Variants in ADAMTSL3 observed in about 807,000 individuals in gnomAD.
ADAMTSL3 encodes the protein ADAMTS-like protein 3.
ADAMTSL3 carries 128 observed loss-of-function variants against 201.7 expected under a neutral mutation model. The ratio of observed to expected loss-of-function variants is 0.63; its 90% confidence interval spans 0.55 to 0.73. The LOEUF (loss-of-function observed/expected upper bound fraction) is 0.73, where lower values mean the gene tolerates loss of function less well. Ranked by LOEUF, ADAMTSL3 falls within the 30% of genes least tolerant of loss-of-function variation. The pLI is 0.00. For missense variants in ADAMTSL3, 1,990 were observed against 2,119.6 expected (o/e 0.94, Z 1.20); for synonymous variants, 738 against 748.4 (o/e 0.99, Z 0.23).
intron 5 of ADAMTSL3, among the ~76,000 whole-genome samples, chr15:83,811,365 T>G (rs1305869726): frequency 1.3e-5 from 2 of 152,206 alleles, no homozygotes; most frequent in Non-Finnish European, 2.9e-5. Context: ...TTAAAACAAT[T>G]CATTTTAAAC....
At chr15:83,913,858 A>G (rs2065980644) in intron 16 of ADAMTSL3, among the ~76,000 whole-genome samples, 2 of 152,304 alleles carry the variant, frequency 1.3e-5, no homozygotes, top group Non-Finnish European at 2.9e-5. Context: ...AGAGGGTGAC[A>G]TACACAGCCA....
chr15:83,853,195 A>G (rs1285090655), intron 7 of ADAMTSL3, among the ~76,000 whole-genome samples: 4 of 152,024 alleles, frequency 2.6e-5, no homozygotes, highest in African/African-American at 4.8e-5. Flanking sequence ...AACATATTCT[A>G]TCTTTTCTCT....
chr15:83,675,165 T>C (rs549922119), intron 2 of ADAMTSL3, among the ~76,000 whole-genome samples: 2 of 152,150 alleles, frequency 1.3e-5, no homozygotes, highest in South Asian at 4.2e-4. Context: ...TGGGATTCTC[T>C]ACATAGACAA....
chr15:83,782,062 A>C (rs963401920), intron 4 of ADAMTSL3, among the ~76,000 whole-genome samples: 29 of 152,316 alleles, frequency 1.9e-4, no homozygotes, highest in African/African-American at 6.7e-4. Context: ...CAAAAATCCC[A>C]TTACTGGGTA....
intron 20 of ADAMTSL3, among the ~76,000 whole-genome samples, chr15:83,981,101 A>G (rs1271418309): frequency 6.6e-6 from 1 of 152,144 alleles, no homozygotes; most frequent in Admixed American, 6.5e-5. Flanking sequence ...CAAGCCATCC[A>G]TCCTACACTC....
At chr15:83,803,105 A>G (rs559601911) in intron 4 of ADAMTSL3, among the ~76,000 whole-genome samples, 127 of 152,340 alleles carry the variant, frequency 8.3e-4, no homozygotes, top group African/African-American at 2.9e-3. Context: ...TGCTTATCAT[A>G]TTAGATTAGG....
intron 23 of ADAMTSL3, 47 bp from the exon 24 acceptor site, chr15:84,014,495 C>T: frequency 6.4e-6 from 10 of 1,557,520 alleles, no homozygotes; most frequent in Non-Finnish European, 8.8e-6. Context: ...TTCTGTGGCC[C>T]TGTTCTTAAA....
chr15:83,917,632 A>T, intron 16 of ADAMTSL3, among the ~76,000 whole-genome samples: 1 of 151,884 alleles, frequency 6.6e-6, no homozygotes, highest in Non-Finnish European at 1.5e-5. Flanking sequence ...CTTCTTTTAT[A>T]TTTTATATTG....
intron 3 of ADAMTSL3, among the ~76,000 whole-genome samples, chr15:83,737,921 A>G (rs2062393550): frequency 6.6e-6 from 1 of 152,244 alleles, no homozygotes; most frequent in African/African-American, 2.4e-5. Flanking sequence ...ATTAGAAGAC[A>G]GAGACACTAT....
intron 19 of ADAMTSL3, among the ~76,000 whole-genome samples, chr15:83,970,201 C>T (rs541524043): frequency 6.8e-6 from 1 of 146,190 alleles, no homozygotes; most frequent in East Asian, 2.0e-4. Context: ...TTACTATCTC[C>T]AAAAGAAAGA....
chr15:83,999,160 T>G (rs548096875), intron 23 of ADAMTSL3, among the ~76,000 whole-genome samples: 4 of 152,366 alleles, frequency 2.6e-5, no homozygotes, highest in African/African-American at 9.6e-5. Flanking sequence ...TTTCTCTAAG[T>G]CATGGAATTT....
chr15:83,710,862 C>T (rs935429119), intron 3 of ADAMTSL3, among the ~76,000 whole-genome samples: 3 of 152,098 alleles, frequency 2.0e-5, no homozygotes, highest in Non-Finnish European at 2.9e-5. Context: ...ATCTGAGCCC[C>T]GGAGAGGAAC....
chr15:83,873,621 C>G (rs899336959), intron 9 of ADAMTSL3, among the ~76,000 whole-genome samples: 2 of 145,406 alleles, frequency 1.4e-5, no homozygotes, highest in Non-Finnish European at 3.0e-5. Flanking sequence ...TCAAGCAACG[C>G]TCCTGCCTCA....
At position 83,662,875 on chromosome 15, in the gene ADAMTSL3, C is replaced by G. The variant is rs950373407; in HGVS notation, c.69+7045C>G. ...CAGCTCTTTACTCAACTGGATACCT[C>G]TCTCTGGTAGTTGTCACTGCCACTC... On this transcript the variant is annotated intron_variant, in intron 2 of 29. Transcript: ENST00000286744. 4.6e-5 allele frequency among the ~76,000 whole-genome samples: 7 copies of G among 152,318 alleles called. No homozygotes were observed. The South Asian group carries it at 1.4e-3, about 32-fold the overall frequency.
intron 23 of ADAMTSL3, among the ~76,000 whole-genome samples, chr15:84,002,846 A>T (rs965439899): frequency 2.0e-5 from 3 of 152,140 alleles, no homozygotes; most frequent in African/African-American, 7.2e-5. Context: ...CCAAAAGAAC[A>T]TATGAACACT....
intron 7 of ADAMTSL3, among the ~76,000 whole-genome samples, chr15:83,845,257 C>T (rs1389380168): frequency 6.6e-6 from 1 of 152,188 alleles, no homozygotes; most frequent in Admixed American, 6.5e-5. Flanking sequence ...TCTAGTTTGC[C>T]TCTCCCACTA....
intron 20 of ADAMTSL3, among the ~76,000 whole-genome samples, chr15:83,975,244 C>T (rs1157481074): frequency 6.6e-6 from 1 of 151,798 alleles, no homozygotes; most frequent in African/African-American, 2.4e-5. Flanking sequence ...CCTTGTGATC[C>T]ACCCACCTTG....
intron 2 of ADAMTSL3, among the ~76,000 whole-genome samples, chr15:83,678,780 AAT>A (rs1410590624): frequency 2.8e-5 from 3 of 105,600 alleles, no homozygotes; most frequent in African/African-American, 1.1e-4. Context: ...ATATAACATT[AAT>A]ATATATGTAT....
At chr15:83,868,494 T>G (rs944726791) in intron 8 of ADAMTSL3, among the ~76,000 whole-genome samples, 10 of 152,184 alleles carry the variant, frequency 6.6e-5, no homozygotes, top group African/African-American at 2.2e-4. Context: ...TTGGGCACAG[T>G]GGCTTTGTTA....
Sources: allele counts gnomAD v4.1 joint callset (sites outside exome capture counted in the v4.1 genomes callset), GRCh38; gene constraint gnomAD v4.1.1; transcripts MANE v1.5; gene names NCBI Gene and HGNC (gene_info 2026-07-23, HGNC 2026-07-21).